SOBP: variants seen among roughly 807,000 people sequenced by gnomAD.
SOBP encodes sine oculis-binding protein homolog.
In SOBP, 4 loss-of-function variants were observed where a neutral mutation model predicts 53.6. That is an observed-to-expected ratio of 0.07 (90% CI 0.04 to 0.17). The LOEUF is 0.17. SOBP is among the 10% of genes least tolerant of loss of function. The pLI is 1.00. For synonymous variants in SOBP, 584 were observed against 522.6 expected (o/e 1.12, Z -1.60); for missense variants, 1,088 against 1,204.7 (o/e 0.90, Z 1.43).
At chr6:107,527,330 G>A (rs528141776) in intron 3 of SOBP, among the ~76,000 whole-genome samples, 1 of 152,310 alleles carries the variant, frequency 6.6e-6, no homozygotes, top group African/African-American at 2.4e-5. Flanking sequence ...ATAGCTGTAA[G>A]TGAGGCTTTT....
chr6:107,634,459 A>C lies in SOBP; in HGVS notation c.1615A>C (p.Ile539Leu), dbSNP rs146747167. The C allele has an allele frequency of 1.9e-6, 3 of 1,609,274 alleles. No homozygotes were observed. Among genetic ancestry groups the C allele is most frequent in the Admixed American group, 1.7e-5 (1 of 59,948 alleles). Reference sequence around the variant, plus strand: ...CGTGCCCCTACCGGTGCCCATCCCCATCCCCATCCCTATCCCTCACGTCAG... The same window carrying C: ...CGTGCCCCTACCGGTGCCCATCCCCCTCCCCATCCCTATCCCTCACGTCAG... Reference protein sequence around the residue: ...VIVPLPVPIPIPIPIPHVSDS... With the variant: ...VIVPLPVPIPLPIPIPHVSDS... The change falls in exon 6 of 7, where the codon ATC becomes CTC. Residue 539 changes from isoleucine to leucine, a missense_variant. Coordinates refer to ENST00000317357, the MANE Select transcript of SOBP (RefSeq NM_018013.4). The surrounding 1 kb of genome is among the most constrained non-coding windows in gnomAD (Gnocchi z 4.5).
At position 107,504,042 on chromosome 6, in the gene SOBP, G is replaced by A. The variant is rs909596494; in HGVS notation, c.235+247G>A. ...ATGGGAGAACTAGACAAGGACTAGC[G>A]ACCTAAGTGCCATGGTCCTGCATAC... On this transcript the variant is annotated intron_variant, in intron 2 of 6. Coordinates refer to ENST00000317357, the MANE Select transcript of SOBP (RefSeq NM_018013.4). 3.9e-5 allele frequency among the ~76,000 whole-genome samples: 6 copies of A among 152,224 alleles called. No individual in the cohort carries two copies. The South Asian group carries it at 6.2e-4, about 16-fold the overall frequency.
At chr6:107,616,330 C>T (rs1391487464) in intron 5 of SOBP, among the ~76,000 whole-genome samples, 1 of 152,150 alleles carries the variant, frequency 6.6e-6, no homozygotes, top group Non-Finnish European at 1.5e-5. Context: ...ATGGTATGCA[C>T]GGACCCAGGC....
At chr6:107,651,109 T>C (rs1216003513) in intron 6 of SOBP, among the ~76,000 whole-genome samples, 1 of 151,878 alleles carries the variant, frequency 6.6e-6, no homozygotes, top group Non-Finnish European at 1.5e-5. Context: ...CTACAAAAAA[T>C]ATGAAAAATT....
At chr6:107,530,010 G>A (rs1783773017) in intron 3 of SOBP, among the ~76,000 whole-genome samples, 1 of 152,056 alleles carries the variant, frequency 6.6e-6, no homozygotes, top group African/African-American at 2.4e-5. Flanking sequence ...TTGGGAATGT[G>A]ATTTAATGCT....
chr6:107,580,092 G>A (rs1011082928), intron 4 of SOBP, among the ~76,000 whole-genome samples: 2 of 152,194 alleles, frequency 1.3e-5, no homozygotes, highest in Non-Finnish European at 2.9e-5. Flanking sequence ...GCAGGTGAAA[G>A]GGAGGGCAAG....
At chr6:107,605,157 C>T (rs1419674915) in intron 5 of SOBP, among the ~76,000 whole-genome samples, 2 of 152,216 alleles carry the variant, frequency 1.3e-5, no homozygotes, top group Admixed American at 1.3e-4. Context: ...TTCCTGTATT[C>T]TCTGGATACA....
chr6:107,512,110 C>T (rs1444152809), intron 3 of SOBP, among the ~76,000 whole-genome samples: 3 of 152,076 alleles, frequency 2.0e-5, no homozygotes, highest in African/African-American at 4.8e-5. Context: ...AAGTATTGAC[C>T]AACACTTTCT....
intron 5 of SOBP, among the ~76,000 whole-genome samples, chr6:107,631,887 G>A (rs1770728671): frequency 6.6e-6 from 1 of 152,140 alleles, no homozygotes; most frequent in Non-Finnish European, 1.5e-5. Context: ...TTTATTACCT[G>A]CAAATATCAG....
chr6:107,633,171 T>C (rs973372370), intron 5 of SOBP, among the ~76,000 whole-genome samples: 14 of 152,228 alleles, frequency 9.2e-5, no homozygotes, highest in Admixed American at 9.2e-4. Flanking sequence ...GCATTTACAA[T>C]GAGCCTCTCT....
At chr6:107,587,603 G>A (rs1023584922) in intron 5 of SOBP, among the ~76,000 whole-genome samples, 2 of 152,128 alleles carry the variant, frequency 1.3e-5, no homozygotes, top group Non-Finnish European at 2.9e-5. Flanking sequence ...GAGTTGACAC[G>A]CAGTACTCCC....
intron 4 of SOBP, among the ~76,000 whole-genome samples, chr6:107,559,558 T>C (rs1040864532): frequency 6.6e-6 from 1 of 152,228 alleles, no homozygotes; most frequent in African/African-American, 2.4e-5. Flanking sequence ...CAAGAATAAA[T>C]GGATCCACAG....
chr6:107,503,519 G>C lies in SOBP; in HGVS notation c.97-138G>C, dbSNP rs985165633. 2.3e-5 allele frequency: 21 copies of C among 896,552 alleles called. No homozygotes were observed. In the East Asian group the frequency reaches 4.8e-4, roughly 21 times the overall value. 55.5% of individuals were successfully genotyped at this position (896,552 alleles called of 1,614,324 possible). On this transcript the variant is annotated intron_variant, in intron 1 of 6. Transcript: ENST00000317357. The stretch of plus-strand genomic sequence containing the variant: ...AACATTATGGTTTTGAACATGATTT[G>C]AAAAATGAACACCACACTAGGGGAA...
At chr6:107,563,272 A>G (rs960097270) in intron 4 of SOBP, among the ~76,000 whole-genome samples, 14 of 152,234 alleles carry the variant, frequency 9.2e-5, no homozygotes, top group Non-Finnish European at 1.5e-4. Context: ...AAGAAGAAAA[A>G]TAAGAATAAT....
chr6:107,495,879 A>C (rs994230666), intron 1 of SOBP, among the ~76,000 whole-genome samples: 4 of 152,082 alleles, frequency 2.6e-5, no homozygotes, highest in Non-Finnish European at 5.9e-5. Context: ...AAAATCCCTA[A>C]AGTCTAAAAC....
At chr6:107,614,451 G>A (rs967612923) in intron 5 of SOBP, among the ~76,000 whole-genome samples, 9 of 150,042 alleles carry the variant, frequency 6.0e-5, no homozygotes, top group Non-Finnish European at 1.3e-4. Context: ...ACATGACACT[G>A]TTGCCAGGTT....
intron 4 of SOBP, among the ~76,000 whole-genome samples, chr6:107,583,587 G>A (rs1025782204): frequency 2.0e-5 from 3 of 151,964 alleles, no homozygotes; most frequent in Non-Finnish European, 4.4e-5. Flanking sequence ...GTGTGGTGGC[G>A]CGATCATAGC....
chr6:107,518,155 A>C (rs1783375696), intron 3 of SOBP, among the ~76,000 whole-genome samples: 2 of 152,262 alleles, frequency 1.3e-5, no homozygotes, highest in South Asian at 4.1e-4. Flanking sequence ...AATAAAAATA[A>C]AACAGCTCAA....
rs1288989337 is a variant in SOBP at position 107,661,247 on chromosome 6, T to C, written c.*3044T>C. Among the ~76,000 whole-genome samples, 1 of 152,218 alleles carries C rather than the reference T, an allele frequency of 6.6e-6. No individual in the cohort carries two copies. The highest frequency in any genetic ancestry group is 1.5e-5 in the Non-Finnish European group (1 of 68,042). On this transcript the variant is annotated 3_prime_UTR_variant, in exon 7 of 7. Transcript: ENST00000317357. ...CTCTTCCTTCTCACGATCTTACTGCTGTCTGAATGCACAATTCTCTTGGGA... is the reference window on the plus strand; with the variant it reads ...CTCTTCCTTCTCACGATCTTACTGCCGTCTGAATGCACAATTCTCTTGGGA...
Sources: gnomAD v4.1 joint callset for allele counts (sites outside exome capture counted in the v4.1 genomes callset) on GRCh38, gnomAD v4.1.1 for gene constraint, Gnocchi (gnomAD v3.1) non-coding constraint, MANE v1.5 for transcripts, NCBI Gene and HGNC (gene_info 2026-07-23, HGNC 2026-07-21) for gene names.